XYLB: variants seen among roughly 807,000 people sequenced by gnomAD.
XYLB encodes the protein xylulose kinase.
XYLB carries 62 observed loss-of-function variants against 78.7 expected under a neutral mutation model. That is an observed-to-expected ratio of 0.79 (90% CI 0.64 to 0.97). The LOEUF is 0.97. Ranked by LOEUF, XYLB falls within the 50% of genes least tolerant of loss-of-function variation. XYLB has a pLI of 0.00. For synonymous variants in XYLB, 245 were observed against 247.4 expected (o/e 0.99, Z 0.09); for missense variants, 687 against 676.8 (o/e 1.02, Z -0.17).
chr3:38,402,782 G>A (rs4678604), intron 18 of XYLB, among the ~76,000 whole-genome samples: 63,891 of 151,760 alleles, frequency 0.42, 15,625 homozygotes, highest in Non-Finnish European at 0.56. Context: ...TTGGTTCAGT[G>A]GTTCAACATG....
At chr3:38,400,767 G>C (rs926769918) in intron 17 of XYLB, 124 bp from the exon 18 acceptor site, 1 of 695,824 alleles carries the variant, frequency 1.4e-6, no homozygotes, top group Non-Finnish European at 2.5e-6. Flanking sequence ...GTACTGAATT[G>C]TGCAACCATC....
chr3:38,447,443 A>G, the XYLB span, among the ~76,000 whole-genome samples: 2 of 148,998 alleles, frequency 1.3e-5, no homozygotes, highest in Non-Finnish European at 3.0e-5. Context: ...AGCCGAGACC[A>G]CAGGCATGCA....
intron 17 of XYLB, among the ~76,000 whole-genome samples, chr3:38,399,835 A>G (rs1391640175): frequency 1.3e-5 from 2 of 152,202 alleles, no homozygotes; most frequent in African/African-American, 2.4e-5. Flanking sequence ...GAGGGATACT[A>G]ACCACTTCAT....
chr3:38,358,085 T>G (rs562058609), intron 2 of XYLB, among the ~76,000 whole-genome samples: 17 of 151,286 alleles, frequency 1.1e-4, no homozygotes, highest in Non-Finnish European at 2.1e-4. Flanking sequence ...TGTGCTTTGG[T>G]GCAGTATTGG....
chr3:38,441,674 ATTT>A, the XYLB span, among the ~76,000 whole-genome samples: 2 of 152,184 alleles, frequency 1.3e-5, no homozygotes, highest in African/African-American at 4.8e-5. Flanking sequence ...CTAGTATGCC[ATTT>A]ACACCATGAG....
intron 18 of XYLB, among the ~76,000 whole-genome samples, chr3:38,401,724 A>G (rs1708130041): frequency 6.6e-6 from 1 of 152,176 alleles, no homozygotes. Flanking sequence ...AGCAGTCTCC[A>G]AAGTGGGCTG....
chr3:38,389,310 A>G (rs533107079), intron 15 of XYLB, among the ~76,000 whole-genome samples: 13 of 149,396 alleles, frequency 8.7e-5, no homozygotes, highest in African/African-American at 1.5e-4. Context: ...TTTTCTTAGT[A>G]CAGAACAAAA....
At chr3:38,375,404 C>G in intron 12 of XYLB, 145 bp downstream of exon 12, 1 of 701,294 alleles carries the variant, frequency 1.4e-6, no homozygotes, top group Non-Finnish European at 2.4e-6. Context: ...ACTGAGACCC[C>G]CAAGGACTCA....
chr3:38,441,920 G>T, the XYLB span, among the ~76,000 whole-genome samples: 1 of 152,154 alleles, frequency 6.6e-6, no homozygotes, highest in Non-Finnish European at 1.5e-5. Flanking sequence ...CTGTGGGAAG[G>T]CTTAAGGCTG....
At chr3:38,351,869 G>A (rs937557592) in intron 2 of XYLB, among the ~76,000 whole-genome samples, 2 of 152,204 alleles carry the variant, frequency 1.3e-5, no homozygotes, top group South Asian at 2.1e-4. Flanking sequence ...TTATTGCCGA[G>A]TAGTATTTCA....
chr3:38,397,164 GT>G lies in XYLB; in HGVS notation c.1438+7del. Reference sequence around the variant, plus strand: ...CTGCATACCGAGCTTTTCATGGTAGGTTGATGGAGGGAGACAGCTATCTCTG... The same window carrying G: ...CTGCATACCGAGCTTTTCATGGTAGGTGATGGAGGGAGACAGCTATCTCTG... On this transcript the variant is annotated splice_donor_region_variant and intron_variant, in intron 17 of 18. Transcript: ENST00000207870. The G allele has an allele frequency of 6.2e-7, 1 of 1,613,980 alleles. No homozygotes were observed. Among genetic ancestry groups the G allele is most frequent in the South Asian group, 1.1e-5 (1 of 91,078 alleles).
the XYLB span, among the ~76,000 whole-genome samples, chr3:38,426,970 GACAGCATGTTTTTGCT>G: frequency 5.3e-5 from 8 of 152,314 alleles, no homozygotes; most frequent in South Asian, 1.0e-3. Flanking sequence ...CCTGTGGCTT[GACAGCATGTTTTTGCT>G]ACAGATAATC....
downstream of XYLB, among the ~76,000 whole-genome samples, chr3:38,416,980 A>C (rs562011116): frequency 7.1e-4 from 108 of 152,374 alleles, no homozygotes; most frequent in African/African-American, 2.4e-3. Context: ...AAAAATGAAT[A>C]GAAACCTAGA....
intron 15 of XYLB, among the ~76,000 whole-genome samples, chr3:38,390,315 G>A (rs1242392652): frequency 6.6e-6 from 1 of 152,090 alleles, no homozygotes; most frequent in Non-Finnish European, 1.5e-5. Context: ...CTGGGTTTAA[G>A]CAATTCTCCT....
chr3:38,386,685 GCACTAATATTATA>G (rs1022660003), intron 15 of XYLB, among the ~76,000 whole-genome samples: 2 of 151,776 alleles, frequency 1.3e-5, no homozygotes, highest in African/African-American at 4.8e-5. Context: ...AGTCTGGTTT[GCACTAATATTATA>G]CACTTGAATT....
intron 2 of XYLB, among the ~76,000 whole-genome samples, chr3:38,355,271 C>G (rs561029342): frequency 6.6e-6 from 1 of 152,332 alleles, no homozygotes; most frequent in Non-Finnish European, 1.5e-5. Context: ...ACTTCTTCCC[C>G]TAAGAGCCAG....
exon 18 of XYLB, among the ~76,000 whole-genome samples, chr3:38,420,550 AT>A: frequency 6.6e-6 from 1 of 152,306 alleles, no homozygotes; most frequent in East Asian, 1.9e-4. Context: ...TGGTTTTGGT[AT>A]TATGTGTTCC....
chr3:38,422,733 T>G (rs774478375), downstream of XYLB, among the ~76,000 whole-genome samples: 1 of 152,094 alleles, frequency 6.6e-6, no homozygotes, highest in Non-Finnish European at 1.5e-5. Context: ...CCCCATTACA[T>G]AGAACAATTA....
intron 9 of XYLB, 45 bp downstream of exon 9, chr3:38,370,219 C>A: frequency 1.5e-6 from 2 of 1,292,000 alleles, no homozygotes; most frequent in African/African-American, 1.5e-5. Context: ...GAGCTGGCAG[C>A]TACCAGGGAA....
Sources: gnomAD v4.1 joint callset for allele counts (sites outside exome capture counted in the v4.1 genomes callset) on GRCh38, gnomAD v4.1.1 for gene constraint, MANE v1.5 for transcripts, NCBI Gene and HGNC (gene_info 2026-07-23, HGNC 2026-07-21) for gene names.